The following CPT1A variants were observed in gnomAD, a reference collection of about 807,000 sequenced individuals.
CPT1A encodes carnitine palmitoyltransferase 1A.
In CPT1A, 64 loss-of-function variants were observed where a neutral mutation model predicts 100.8. The ratio of observed to expected loss-of-function variants is 0.63; its 90% CI spans 0.52 to 0.78. The LOEUF (loss-of-function observed/expected upper bound fraction) is 0.78, where lower values mean the gene tolerates loss of function less well. CPT1A is among the 30% of genes least tolerant of loss of function. The pLI is 0.00. For missense variants in CPT1A, 802 were observed against 1,034.1 expected, an observed-to-expected ratio of 0.78 and a Z score of 3.08; for synonymous variants, 363 against 396.0, an observed-to-expected ratio of 0.92 and a Z score of 0.99.
In CPT1A at chr11:68,834,793, A is replaced by G. The variant is rs536767203; in HGVS notation, c.-14+6982T>C. On this transcript the variant is annotated intron_variant, in intron 1 of 18. Coordinates refer to ENST00000265641, the MANE Select transcript of CPT1A (RefSeq NM_001876.4). ...TCTGGGTGGATCACTTGAGGTCAGG[A>G]GTTTGAGACCAGCCTGGCCAACATG... Among the ~76,000 whole-genome samples, 4 of 152,160 alleles carry G rather than the reference A, an allele frequency of 2.6e-5. No homozygotes were observed. In the East Asian group the frequency reaches 5.8e-4, roughly 22 times the overall value.
At chr11:68,812,256 G>A (rs937943575) in intron 3 of CPT1A, among the ~76,000 whole-genome samples, 181 bp downstream of exon 3, 2 of 152,168 alleles carry the variant, frequency 1.3e-5, no homozygotes, top group African/African-American at 2.4e-5. Context: ...GCAGGGGACC[G>A]CAAACTCCTA....
At chr11:68,822,927 A>G (rs557670572) in intron 1 of CPT1A, among the ~76,000 whole-genome samples, 19 of 152,276 alleles carry the variant, frequency 1.2e-4, no homozygotes, top group African/African-American at 4.3e-4. Flanking sequence ...GGGGGCTTGG[A>G]GCAGATGGGA....
At chr11:68,833,775 G>A (rs1594379578) in intron 1 of CPT1A, among the ~76,000 whole-genome samples, 1 of 152,100 alleles carries the variant, frequency 6.6e-6, no homozygotes, top group Middle Eastern at 3.4e-3. Flanking sequence ...CAAACCTGAT[G>A]GAAGCACCTT....
intron 1 of CPT1A, among the ~76,000 whole-genome samples, chr11:68,836,834 T>C (rs1226549694): frequency 8.4e-6 from 1 of 119,388 alleles, no homozygotes; most frequent in African/African-American, 3.2e-5. Context: ...TGAAACAAAA[T>C]CTCCAAGAAA....
chr11:68,812,862 T>C (rs1239953498), intron 2 of CPT1A, among the ~76,000 whole-genome samples: 1 of 152,068 alleles, frequency 6.6e-6, no homozygotes, highest in Non-Finnish European at 1.5e-5. Context: ...GCCCAGGCAC[T>C]AGTTTAGCTG....
chr11:68,795,336 T>G (rs1456987855), intron 7 of CPT1A, among the ~76,000 whole-genome samples: 2 of 152,178 alleles, frequency 1.3e-5, no homozygotes, highest in East Asian at 3.9e-4. Flanking sequence ...TTTCCACAAT[T>G]GGAAGAAAAG....
chr11:68,766,700 C>G (rs1023706386), intron 14 of CPT1A, among the ~76,000 whole-genome samples: 1 of 151,888 alleles, frequency 6.6e-6, no homozygotes, highest in Non-Finnish European at 1.5e-5. Context: ...GATGGCCAGG[C>G]TGGTTTCGAA....
chr11:68,773,523 C>A, intron 13 of CPT1A, 94 bp from the exon 14 acceptor site: 1 of 1,588,642 alleles, frequency 6.3e-7, no homozygotes, highest in Non-Finnish European at 8.6e-7. Flanking sequence ...TTTAGTGCAG[C>A]TATAAACTCG....
intron 12 of CPT1A, among the ~76,000 whole-genome samples, chr11:68,780,243 A>G (rs1208507082): frequency 6.6e-6 from 1 of 152,146 alleles, no homozygotes; most frequent in Non-Finnish European, 1.5e-5. Flanking sequence ...AATCACGCAA[A>G]TATTACAAAA....
At chr11:68,766,321 T>G (rs900980786) in intron 14 of CPT1A, among the ~76,000 whole-genome samples, 3 of 151,850 alleles carry the variant, frequency 2.0e-5, no homozygotes, top group African/African-American at 7.3e-5. Context: ...TTCAGAAGCT[T>G]AGAAGAGACC....
At chr11:68,780,526 T>C (rs1855278290) in intron 12 of CPT1A, 114 bp downstream of exon 12, 1 of 830,402 alleles carries the variant, frequency 1.2e-6, no homozygotes, top group Non-Finnish European at 2.0e-6. Context: ...TCAGGTGATC[T>C]GCCCGCCTCG....
Position 68,784,810 on chromosome 11 carries a change from C to A in CPT1A, c.1163+5G>T, listed in dbSNP as rs140999795. ...AAAACAGGACAAGGGACCTAGGCTG[C>A]GCACCTGTCTCCTGCGGTGAGGGCT... On this transcript the variant is annotated splice_donor_5th_base_variant and intron_variant, in intron 10 of 18. Transcript: ENST00000265641. 33 of 1,606,720 alleles carry A rather than the reference C, an allele frequency of 2.1e-5. No homozygotes were observed. Among genetic ancestry groups the A allele is most frequent in the African/African-American group, 8.0e-5 (6 of 74,870 alleles).
At chr11:68,775,844 T>C (rs1855126658) in intron 12 of CPT1A, among the ~76,000 whole-genome samples, 1 of 152,180 alleles carries the variant, frequency 6.6e-6, no homozygotes, top group Admixed American at 6.5e-5. Context: ...GAAATATACC[T>C]GTATGACCCA....
intron 4 of CPT1A, among the ~76,000 whole-genome samples, chr11:68,805,421 A>T (rs111447685): frequency 0.022 from 3,322 of 151,922 alleles, 124 homozygotes; most frequent in African/African-American, 0.077. Flanking sequence ...ACTGCACTCC[A>T]GCCTGGGTGA....
chr11:68,833,492 C>T (rs1856929817), intron 1 of CPT1A, among the ~76,000 whole-genome samples: 1 of 152,254 alleles, frequency 6.6e-6, no homozygotes, highest in South Asian at 2.1e-4. Flanking sequence ...CGTGTTGGCT[C>T]ACGCCTGTAA....
chr11:68,840,232 T>C (rs534748309), intron 1 of CPT1A, among the ~76,000 whole-genome samples: 2 of 152,344 alleles, frequency 1.3e-5, no homozygotes, highest in African/African-American at 4.8e-5. Context: ...GCGACACTTA[T>C]GTCCTCAATT....
At chr11:68,786,592 G>A (rs1040445881) in intron 9 of CPT1A, among the ~76,000 whole-genome samples, 1 of 152,234 alleles carries the variant, frequency 6.6e-6, no homozygotes, top group Middle Eastern at 3.4e-3. Context: ...GTGCAGTGGC[G>A]CGATCTCGGC....
intron 9 of CPT1A, among the ~76,000 whole-genome samples, chr11:68,788,629 G>GT (rs1566359911): frequency 1.1e-3 from 14 of 12,432 alleles, no homozygotes; most frequent in Middle Eastern, 0.045. Context: ...ACAAACAAAA[G>GT]TAAAAAAAAA....
intron 3 of CPT1A, 66 bp downstream of exon 3, chr11:68,812,371 A>G (rs1421219051): frequency 1.9e-6 from 3 of 1,577,764 alleles, no homozygotes; most frequent in Admixed American, 3.3e-5. Flanking sequence ...ACATTTGAAG[A>G]GACATAAAAA....
Sources: allele counts gnomAD v4.1 joint callset (sites outside exome capture counted in the v4.1 genomes callset), GRCh38; gene constraint gnomAD v4.1.1; transcripts MANE v1.5; gene names NCBI Gene and HGNC (gene_info 2026-07-23, HGNC 2026-07-21).